R3HDM2: variants seen among roughly 807,000 people sequenced by gnomAD.
R3HDM2 encodes the protein R3H domain containing 2.
R3HDM2 carries 38 observed loss-of-function variants against 124.5 expected under a neutral mutation model. The observed-to-expected ratio is 0.31, with a 90% CI of 0.24 to 0.40. The LOEUF is 0.40. Ranked by LOEUF, R3HDM2 falls within the 10% of genes least tolerant of loss-of-function variation. R3HDM2 has a pLI of 1.00. For missense variants in R3HDM2, 869 were observed against 1,236.9 expected (o/e 0.70, Z 4.46); for synonymous variants, 391 against 448.0 (o/e 0.87, Z 1.61).
At chr12:57,365,946 A>G (rs2062592868) in intron 2 of R3HDM2, among the ~76,000 whole-genome samples, 1 of 151,458 alleles carries the variant, frequency 6.6e-6, no homozygotes, top group African/African-American at 2.4e-5. Flanking sequence ...AAAAAAAAAA[A>G]CAAAATATAT....
chr12:57,395,420 C>T (rs1566477259), intron 2 of R3HDM2, among the ~76,000 whole-genome samples: 1 of 151,944 alleles, frequency 6.6e-6, no homozygotes. Context: ...GGGAGAATCG[C>T]TTGAACCCGG....
chr12:57,294,976 C>A (rs1377076347), intron 10 of R3HDM2, among the ~76,000 whole-genome samples: 1 of 152,168 alleles, frequency 6.6e-6, no homozygotes, highest in African/African-American at 2.4e-5. Flanking sequence ...AAGGCTAGCC[C>A]TAAGCTAGGA....
Position 57,283,960 on chromosome 12 carries a change from T to C in R3HDM2, c.1035A>G (p.Thr345=), listed in dbSNP as rs765442516. 2 of 1,614,166 alleles carry C rather than the reference T, an allele frequency of 1.2e-6. No individual in the cohort carries two copies. The highest frequency in any genetic ancestry group is 1.6e-4 in the Middle Eastern group (1 of 6,062). Reference sequence around the variant, plus strand: ...TGCTCCGGACAGAGCCATCAGAGTCTGTGCTGCTCCAAGGGCGTGGCTCCA... The same window carrying C: ...TGCTCCGGACAGAGCCATCAGAGTCCGTGCTGCTCCAAGGGCGTGGCTCCA... The part of the protein sequence containing the change: ...KSLEPRPWSS[T]DSDGSVRSMR... The change falls in exon 13 of 24, where the codon ACA becomes ACG. Residue 345 remains threonine (T), a synonymous_variant. Coordinates refer to ENST00000402412, the MANE Select transcript of R3HDM2 (RefSeq NM_001394031.1).
At chr12:57,306,553 C>T (rs2052623157) in intron 3 of R3HDM2, among the ~76,000 whole-genome samples, 1 of 152,070 alleles carries the variant, frequency 6.6e-6, no homozygotes, top group African/African-American at 2.4e-5. Context: ...GGACTACAGG[C>T]ATGCGTCACC....
intron 14 of R3HDM2, among the ~76,000 whole-genome samples, chr12:57,271,211 C>G (rs2043518538): frequency 6.6e-6 from 1 of 152,170 alleles, no homozygotes; most frequent in African/African-American, 2.4e-5. Context: ...TGACACTAGC[C>G]TAGAATTCTC....
At chr12:57,407,157 G>A (rs1475020991) in intron 1 of R3HDM2, among the ~76,000 whole-genome samples, 2 of 151,626 alleles carry the variant, frequency 1.3e-5, no homozygotes, top group African/African-American at 4.8e-5. Flanking sequence ...AGCTGAGGCA[G>A]GAAAATCTCT....
In R3HDM2 at chr12:57,374,683, T is replaced by TAAA. The variant is rs56197858; in HGVS notation, c.-36+21063_-36+21065dup. Among the ~76,000 whole-genome samples, 19 of 28,090 alleles carry TAAA rather than the reference T, an allele frequency of 6.8e-4. 1 individual carries two copies. The highest frequency in any genetic ancestry group is 8.0e-4 in the African/African-American group (5 of 6,268). 18.4% of individuals were successfully genotyped at this position (28,090 alleles called of 152,430 possible). A position where few individuals can be genotyped will look rare whatever the true frequency, so the allele number is the denominator to read the frequency against. On this transcript the variant is annotated intron_variant, in intron 2 of 23. Transcript: ENST00000402412. ...GGGCAAAAAGAGAGAAATTCTATCT[T>TAAA]AAAAAAAAAAAAAAAAAAAAAAAAA... is the stretch of plus-strand genomic sequence containing the variant.
chr12:57,424,522 C>G lies in R3HDM2; in HGVS notation c.-106+6198G>C, dbSNP rs142277482. ...TGTCACTGCCTTAATTACTTTCCTCCTAGTCTTCTGTTATTAATCCTGTAA... is the reference window on the plus strand; with the variant it reads ...TGTCACTGCCTTAATTACTTTCCTCGTAGTCTTCTGTTATTAATCCTGTAA... On this transcript the variant is annotated intron_variant, in intron 1 of 23. Transcript: ENST00000402412. Among the ~76,000 whole-genome samples, 727 of 152,144 alleles carry G rather than the reference C, an allele frequency of 4.8e-3. 7 individuals are homozygous for G. Among genetic ancestry groups the G allele is most frequent in the Non-Finnish European group, 7.9e-3 (537 of 67,966 alleles).
intron 2 of R3HDM2, among the ~76,000 whole-genome samples, chr12:57,387,302 G>C (rs2065984705): frequency 6.6e-6 from 1 of 152,000 alleles, no homozygotes; most frequent in South Asian, 2.1e-4. Context: ...TCACCGCAAA[G>C]GTCTGTAGCT....
At chr12:57,380,280 T>C (rs2064668712) in intron 2 of R3HDM2, among the ~76,000 whole-genome samples, 1 of 152,216 alleles carries the variant, frequency 6.6e-6, no homozygotes, top group Non-Finnish European at 1.5e-5. Context: ...CAATCCATTT[T>C]TATCTTTCTG....
intron 2 of R3HDM2, among the ~76,000 whole-genome samples, chr12:57,380,525 T>G (rs2064707079): frequency 6.6e-6 from 1 of 152,192 alleles, no homozygotes; most frequent in African/African-American, 2.4e-5. Context: ...GTTACACAAG[T>G]CCCCATACTA....
chr12:57,291,041 C>A (rs549644519), intron 11 of R3HDM2, among the ~76,000 whole-genome samples: 1 of 150,010 alleles, frequency 6.7e-6, no homozygotes, highest in South Asian at 2.1e-4. Flanking sequence ...AGGTAGAAAA[C>A]CCTCTTTGGG....
At position 57,372,142 on chromosome 12, in the gene R3HDM2, C is replaced by T. The variant is rs540027068; in HGVS notation, c.-36+23607G>A. 3.3e-5 allele frequency among the ~76,000 whole-genome samples: 5 copies of T among 152,290 alleles called. No homozygotes were observed. In the South Asian group the frequency reaches 1.0e-3, roughly 32 times the overall value. On this transcript the variant is annotated intron_variant, in intron 2 of 23. Transcript: ENST00000402412. ...TTGGACTCTCAAAGTGCTGGGATTA[C>T]AGGTGTGAGCCACTGCACCCAGCCA...
chr12:57,328,121 G>A (rs375567036), intron 2 of R3HDM2, among the ~76,000 whole-genome samples: 29 of 151,364 alleles, frequency 1.9e-4, no homozygotes, highest in Middle Eastern at 6.8e-3. Context: ...ACCCAGGCTG[G>A]AGTGCAGTGG....
At chr12:57,297,527 A>G in intron 7 of R3HDM2, 140 bp from the exon 8 acceptor site, 1 of 543,516 alleles carries the variant, frequency 1.8e-6, no homozygotes. Context: ...AATGAACCAT[A>G]ATGCTGCTAA....
chr12:57,355,030 T>A (rs2061104764), intron 2 of R3HDM2, among the ~76,000 whole-genome samples: 1 of 151,278 alleles, frequency 6.6e-6, no homozygotes, highest in African/African-American at 2.4e-5. Flanking sequence ...CTTAGTAGAG[T>A]CCGCCTCCAC....
At chr12:57,376,916 A>G (rs1234327261) in intron 2 of R3HDM2, among the ~76,000 whole-genome samples, 5 of 151,490 alleles carry the variant, frequency 3.3e-5, no homozygotes, top group Non-Finnish European at 5.9e-5. Flanking sequence ...ACACCACTGC[A>G]CTCTAGCCTG....
chr12:57,404,348 G>A (rs895581761), intron 1 of R3HDM2, among the ~76,000 whole-genome samples: 1 of 150,842 alleles, frequency 6.6e-6, no homozygotes, highest in Non-Finnish European at 1.5e-5. Context: ...ACAGGCGTGA[G>A]CCACCGCGCC....
intron 2 of R3HDM2, among the ~76,000 whole-genome samples, chr12:57,342,972 T>C (rs1296813257): frequency 6.6e-6 from 1 of 152,112 alleles, no homozygotes; most frequent in African/African-American, 2.4e-5. Flanking sequence ...AAAAATACTT[T>C]GGCTATAAAA....
Sources: gnomAD v4.1 joint callset for allele counts (sites outside exome capture counted in the v4.1 genomes callset) on GRCh38, gnomAD v4.1.1 for gene constraint, MANE v1.5 for transcripts, NCBI Gene and HGNC (gene_info 2026-07-23, HGNC 2026-07-21) for gene names.